The following CLMP variants were observed in gnomAD, a reference collection of about 807,000 sequenced individuals.
CLMP encodes the protein CXADR-like membrane protein.
In CLMP, 27 loss-of-function variants were observed where a neutral mutation model predicts 45.2. The ratio of observed to expected loss-of-function variants is 0.60; its 90% confidence interval spans 0.44 to 0.82. CLMP has a LOEUF of 0.82. Ranked by LOEUF, CLMP falls within the 40% of genes least tolerant of loss-of-function variation. The probability of loss-of-function intolerance (pLI) is 0.00; values close to 1 mark genes in which losing one functional copy is unlikely to be tolerated. For missense variants in CLMP, 403 were observed against 448.4 expected (o/e 0.90, Z 0.91); for synonymous variants, 167 against 171.4 (o/e 0.97, Z 0.20).
chr11:123,143,438 T>C (rs1861193139), intron 1 of CLMP, among the ~76,000 whole-genome samples: 1 of 149,230 alleles, frequency 6.7e-6, no homozygotes, highest in Admixed American at 6.7e-5. Context: ...TTAAATTGTA[T>C]AAAACAACCT....
At chr11:123,134,593 C>T (rs925282856) in intron 1 of CLMP, among the ~76,000 whole-genome samples, 2 of 151,794 alleles carry the variant, frequency 1.3e-5, no homozygotes, top group South Asian at 2.1e-4. Context: ...TGGGGGATCA[C>T]GTGAGGTCAG....
chr11:123,191,925 G>A (rs890268553), intron 1 of CLMP, among the ~76,000 whole-genome samples: 13 of 152,182 alleles, frequency 8.5e-5, no homozygotes, highest in South Asian at 2.1e-4. Context: ...AGTAGCATAA[G>A]AGGAAGGCTA....
chr11:123,099,920 GA>G (rs1866035124), intron 1 of CLMP, among the ~76,000 whole-genome samples: 1 of 152,148 alleles, frequency 6.6e-6, no homozygotes, highest in Non-Finnish European at 1.5e-5. Context: ...ATACATTTGT[GA>G]AAATGCTATT....
intron 1 of CLMP, among the ~76,000 whole-genome samples, chr11:123,192,141 G>A (rs1355706862): frequency 6.6e-6 from 1 of 152,106 alleles, no homozygotes; most frequent in Non-Finnish European, 1.5e-5. Context: ...AAGAAGCATG[G>A]GACATGTTTT....
At chr11:123,101,171 C>T (rs1473486901) in intron 1 of CLMP, among the ~76,000 whole-genome samples, 3 of 152,166 alleles carry the variant, frequency 2.0e-5, no homozygotes, top group African/African-American at 4.8e-5. Flanking sequence ...TGCAGTGGCG[C>T]GATCTCAGCT....
At chr11:123,115,152 C>T (rs1860703599) in intron 1 of CLMP, among the ~76,000 whole-genome samples, 1 of 152,008 alleles carries the variant, frequency 6.6e-6, no homozygotes, top group South Asian at 2.1e-4. Context: ...AGCGATCCTC[C>T]TGCCTCAGCC....
At chr11:123,092,085 T>TAAGG (rs1395686278) in intron 2 of CLMP, among the ~76,000 whole-genome samples, 1 of 152,098 alleles carries the variant, frequency 6.6e-6, no homozygotes. Flanking sequence ...AACACCTATA[T>TAAGG]AAGGCCTCAA....
chr11:123,084,878 C>T (rs1197647264), intron 2 of CLMP, among the ~76,000 whole-genome samples, 165 bp from the exon 3 acceptor site: 1 of 152,196 alleles, frequency 6.6e-6, no homozygotes, highest in Non-Finnish European at 1.5e-5. Flanking sequence ...AAATACAGTA[C>T]ATTTGCACCT....
At chr11:123,181,626 CT>C (rs1238770908) in intron 1 of CLMP, among the ~76,000 whole-genome samples, 1 of 152,236 alleles carries the variant, frequency 6.6e-6, no homozygotes, top group Admixed American at 6.5e-5. Context: ...ACGGCACTAT[CT>C]CCACTCACAG....
intron 1 of CLMP, among the ~76,000 whole-genome samples, chr11:123,189,611 A>G (rs1433914503): frequency 6.6e-6 from 1 of 152,220 alleles, no homozygotes. Flanking sequence ...TATACATCTC[A>G]TATTTCAAAA....
At chr11:123,112,478 C>G (rs1361663885) in intron 1 of CLMP, among the ~76,000 whole-genome samples, 2 of 151,508 alleles carry the variant, frequency 1.3e-5, no homozygotes, top group African/African-American at 4.9e-5. Flanking sequence ...GCTGGGATTA[C>G]AGGTGCCCGC....
intron 5 of CLMP, among the ~76,000 whole-genome samples, chr11:123,076,029 TG>T (rs1865735881): frequency 6.6e-6 from 1 of 152,044 alleles, no homozygotes; most frequent in South Asian, 2.1e-4. Flanking sequence ...AAAAGTTATC[TG>T]GGCATGGTGG....
chr11:123,127,735 G>A (rs77642139), intron 1 of CLMP, among the ~76,000 whole-genome samples: 24,197 of 151,920 alleles, frequency 0.16, 2,620 homozygotes, highest in African/African-American at 0.3. Flanking sequence ...AAACCAAGTA[G>A]TAGATATAAA....
In CLMP at chr11:123,075,154, A is replaced by C. The variant is rs531119010; in HGVS notation, c.680-311T>G. Among the ~76,000 whole-genome samples, 42 of 151,178 alleles carry C rather than the reference A, an allele frequency of 2.8e-4. No homozygotes were observed. In the East Asian group the frequency reaches 4.2e-3, roughly 15 times the overall value. On this transcript the variant is annotated intron_variant, in intron 5 of 6. Coordinates refer to ENST00000448775, the MANE Select transcript of CLMP (RefSeq NM_024769.5). ...ATTTTTAGTAGAAACGGTATTCTCTATGTTGGTCAGGCTGGTCGCAAACTC... is the reference window on the plus strand; with the variant it reads ...ATTTTTAGTAGAAACGGTATTCTCTCTGTTGGTCAGGCTGGTCGCAAACTC...
At chr11:123,124,488 T>C (rs1860862365) in intron 1 of CLMP, among the ~76,000 whole-genome samples, 1 of 152,244 alleles carries the variant, frequency 6.6e-6, no homozygotes, top group Non-Finnish European at 1.5e-5. Context: ...TGTATTTCAT[T>C]CAGCATGCAG....
At chr11:123,121,324 G>A (rs1860814918) in intron 1 of CLMP, among the ~76,000 whole-genome samples, 1 of 151,934 alleles carries the variant, frequency 6.6e-6, no homozygotes, top group Non-Finnish European at 1.5e-5. Flanking sequence ...TTGAGATGGT[G>A]TCTCGTTCTG....
rs1555084536 is a variant in CLMP, at chr11:123,150,479, G to GAAAGAAAGAA, written c.28+44433_28+44434insTTCTTTCTTT. Among the ~76,000 whole-genome samples, 164 of 106,594 alleles carry GAAAGAAAGAA rather than the reference G, an allele frequency of 1.5e-3. 5 individuals are homozygous for GAAAGAAAGAA. The highest frequency in any genetic ancestry group is 2.9e-3 in the Admixed American group (30 of 10,262). The allele number at this position is 106,594 out of a possible 152,430, so 69.9% of individuals were successfully genotyped here. ...AGAAAGAAAGAAAGAAAGAAAGAAA[G>GAAAGAAAGAA]AAAGGAAGGAAGGAAGGAAGGAAGG... On this transcript the variant is annotated intron_variant, in intron 1 of 6. Coordinates refer to ENST00000448775, the MANE Select transcript of CLMP (RefSeq NM_024769.5).
chr11:123,075,645 C>T (rs1430207548), intron 5 of CLMP, among the ~76,000 whole-genome samples: 2 of 151,894 alleles, frequency 1.3e-5, no homozygotes, highest in Non-Finnish European at 2.9e-5. Context: ...CCTCGTTCTC[C>T]CAAAGTGCTG....
rs1482533127 is a variant in CLMP at position 123,083,856 on chromosome 11, A to C, written c.389-9T>G. On this transcript the variant is annotated splice_polypyrimidine_tract_variant and intron_variant, in intron 3 of 6. Transcript: ENST00000448775. ...GGGCTTGGATGGTCTCACTGGCAACAGCAACAACAAGCAAAAGTGTAGTGA... is the reference window on the plus strand; with the variant it reads ...GGGCTTGGATGGTCTCACTGGCAACCGCAACAACAAGCAAAAGTGTAGTGA... 2 of 1,611,892 alleles carry C rather than the reference A, an allele frequency of 1.2e-6. No individual in the cohort carries two copies. Among genetic ancestry groups the C allele is most frequent in the Non-Finnish European group, 1.7e-6 (2 of 1,179,592 alleles).
Sources: gnomAD v4.1 joint callset for allele counts (sites outside exome capture counted in the v4.1 genomes callset) on GRCh38, gnomAD v4.1.1 for gene constraint, MANE v1.5 for transcripts, NCBI Gene and HGNC (gene_info 2026-07-23, HGNC 2026-07-21) for gene names.